The following CCDC25 variants were observed in gnomAD, a reference collection of about 807,000 sequenced individuals.
The protein encoded by CCDC25 is coiled-coil domain containing 25, also known as coiled-coil domain-containing protein 25.
In CCDC25, 16 loss-of-function variants were observed where a neutral mutation model predicts 35.3. That is an observed-to-expected ratio of 0.45 (90% CI 0.31 to 0.69). The LOEUF is 0.69. Ranked by LOEUF, CCDC25 falls within the 30% of genes least tolerant of loss-of-function variation. The pLI, the probability that CCDC25 is intolerant of heterozygous loss-of-function variation, is 0.06. For synonymous variants in CCDC25, 79 were observed against 80.3 expected, an observed-to-expected ratio of 0.98 and a Z score of 0.09; for missense variants, 179 against 250.7, an observed-to-expected ratio of 0.71 and a Z score of 1.93.
chr8:27,738,986 C>T (rs763049770), intron 8 of CCDC25, among the ~76,000 whole-genome samples: 15 of 152,122 alleles, frequency 9.9e-5, no homozygotes, highest in Non-Finnish European at 1.8e-4. Flanking sequence ...ACTTTCACAT[C>T]GATGTGTCTT....
Position 27,748,231 on chromosome 8 carries a change from A to G in CCDC25, c.397T>C (p.Leu133=). 6.2e-7 allele frequency: 1 copy of G among 1,613,832 alleles called. No homozygotes were observed. The highest frequency in any genetic ancestry group is 8.5e-7 in the Non-Finnish European group (1 of 1,179,938). Reference sequence around the variant, plus strand: ...AACCGCTCGACTTTGGTCTTTTCTAATCGGTTCAGGATCTCATTTACTTTC... The same window carrying G: ...AACCGCTCGACTTTGGTCTTTTCTAGTCGGTTCAGGATCTCATTTACTTTC... ...EKKVNEILNR[L]EKTKVERFPD... Residue 133 remains leucine, a synonymous_variant, in exon 7 of 9, where the codon TTA becomes CTA. Transcript: ENST00000356537.
chr8:27,752,150 T>C (rs1310405431), intron 5 of CCDC25, among the ~76,000 whole-genome samples: 1 of 152,182 alleles, frequency 6.6e-6, no homozygotes, highest in Non-Finnish European at 1.5e-5. Flanking sequence ...ACATTAAAAA[T>C]AAAGCCATAA....
At chr8:27,771,876 A>G (rs1171899747) in intron 1 of CCDC25, 1 of 152,220 alleles carries the variant, frequency 6.6e-6, no homozygotes, top group Non-Finnish European at 1.5e-5. Context: ...GAACGAAACC[A>G]AGTCGGGACA....
intron 8 of CCDC25, among the ~76,000 whole-genome samples, chr8:27,740,238 G>C (rs1177876482): frequency 6.6e-6 from 1 of 152,146 alleles, no homozygotes; most frequent in Non-Finnish European, 1.5e-5. Context: ...CGCCACAGTA[G>C]ACAAGCTCTG....
chr8:27,746,847 A>G (rs1177038561), intron 7 of CCDC25, among the ~76,000 whole-genome samples: 1 of 152,220 alleles, frequency 6.6e-6, no homozygotes, highest in Non-Finnish European at 1.5e-5. Context: ...TGCGAATAAT[A>G]AATAACAGTA....
Position 27,748,295 on chromosome 8 carries a change from G to T in CCDC25, c.349-16C>A. The stretch of plus-strand genomic sequence containing the variant: ...CAATTTTTACCTTTAAGGGAGATAG[G>T]AGAAAAGATATTGCATCTTTTTGTT... On this transcript the variant is annotated splice_polypyrimidine_tract_variant and intron_variant, in intron 6 of 8. Coordinates refer to ENST00000356537, the MANE Select transcript of CCDC25 (RefSeq NM_018246.3). The T allele has an allele frequency of 1.9e-6, 3 of 1,602,372 alleles. No homozygotes were observed. Among genetic ancestry groups the T allele is most frequent in the Non-Finnish European group, 2.6e-6 (3 of 1,173,668 alleles).
chr8:27,747,428 T>C (rs950599794), intron 7 of CCDC25, among the ~76,000 whole-genome samples: 1 of 152,164 alleles, frequency 6.6e-6, no homozygotes, highest in Non-Finnish European at 1.5e-5. Context: ...TTTAGCCCAG[T>C]GAGAATCTTG....
chr8:27,755,810 T>G (rs951126088), intron 4 of CCDC25, among the ~76,000 whole-genome samples: 4 of 152,148 alleles, frequency 2.6e-5, no homozygotes, highest in African/African-American at 9.7e-5. Flanking sequence ...AGCAATAGTC[T>G]ACAAAACACC....
intron 5 of CCDC25, among the ~76,000 whole-genome samples, chr8:27,749,224 C>CGTGG (rs1293828762): frequency 4.6e-5 from 7 of 152,186 alleles, no homozygotes; most frequent in Non-Finnish European, 1.0e-4. Flanking sequence ...CCTCCTGCCC[C>CGTGG]TTCACCGCCT....
intron 1 of CCDC25, among the ~76,000 whole-genome samples, chr8:27,767,361 C>CA (rs1195180142): frequency 6.6e-6 from 1 of 151,574 alleles, no homozygotes; most frequent in African/African-American, 2.4e-5. Flanking sequence ...AAGACTGTCT[C>CA]AAAAAAGAAA....
At chr8:27,755,498 A>T (rs1330871918) in intron 4 of CCDC25, among the ~76,000 whole-genome samples, 1 of 152,202 alleles carries the variant, frequency 6.6e-6, no homozygotes, top group Non-Finnish European at 1.5e-5. Flanking sequence ...ATGTATATAG[A>T]CACTCCCCTC....
intron 8 of CCDC25, 127 bp downstream of exon 8, chr8:27,740,345 G>A (rs1803392452): frequency 1.2e-6 from 1 of 824,234 alleles, no homozygotes; most frequent in South Asian, 1.6e-5. Flanking sequence ...CCTGAGTGGT[G>A]TCCTGGTTGC....
chr8:27,743,698 A>G (rs1803512581), intron 7 of CCDC25, among the ~76,000 whole-genome samples: 1 of 152,220 alleles, frequency 6.6e-6, no homozygotes, highest in Non-Finnish European at 1.5e-5. Flanking sequence ...GTTTGAGATT[A>G]GCCTGGGCAA....
At position 27,772,614 on chromosome 8, in the gene CCDC25, C is replaced by T. The variant is rs17478478; in HGVS notation, c.-74G>A. On this transcript the variant is annotated 5_prime_UTR_variant, in exon 1 of 9. Transcript: ENST00000356537. ...CTCACGAAGCTCAGGATACCAGACT[C>T]GCGGCGGCCGCCTGGCCCCCGGAAC... The T allele has an allele frequency of 2.0e-6, 3 of 1,468,610 alleles. No homozygotes were observed. Among genetic ancestry groups the T allele is most frequent in the Non-Finnish European group, 2.8e-6 (3 of 1,078,222 alleles). 91.0% of individuals were successfully genotyped at this position (1,468,610 alleles called of 1,614,324 possible).
At chr8:27,760,684 G>A (rs564374800) in intron 3 of CCDC25, among the ~76,000 whole-genome samples, 73 of 152,298 alleles carry the variant, frequency 4.8e-4, no homozygotes, top group African/African-American at 1.7e-3. Flanking sequence ...AGGAAGGCGG[G>A]CAGCCCCAGT....
At chr8:27,757,797 G>A (rs10101568) in intron 3 of CCDC25, among the ~76,000 whole-genome samples, 66,280 of 151,938 alleles carry the variant, frequency 0.44, 14,707 homozygotes, top group East Asian at 0.63. Flanking sequence ...GTAATCCCCA[G>A]CGTTAGAAGT....
intron 1 of CCDC25, among the ~76,000 whole-genome samples, chr8:27,769,490 T>A (rs930514259): frequency 6.6e-6 from 1 of 152,242 alleles, no homozygotes; most frequent in Non-Finnish European, 1.5e-5. Context: ...TATATGGATA[T>A]CTATGTTGTT....
At chr8:27,751,872 A>C (rs1407736014) in intron 5 of CCDC25, among the ~76,000 whole-genome samples, 1 of 152,192 alleles carries the variant, frequency 6.6e-6, no homozygotes, top group Non-Finnish European at 1.5e-5. Context: ...TAAAATACTT[A>C]GGCTAATTGT....
chr8:27,747,972 AT>A, intron 7 of CCDC25, 104 bp downstream of exon 7: 1 of 1,102,606 alleles, frequency 9.1e-7, no homozygotes, highest in Non-Finnish European at 1.3e-6. Flanking sequence ...AGCTTGTTAC[AT>A]GTCCCTCCTT....
Sources: allele counts gnomAD v4.1 joint callset (sites outside exome capture counted in the v4.1 genomes callset), GRCh38; gene constraint gnomAD v4.1.1; transcripts MANE v1.5; gene names NCBI Gene and HGNC (gene_info 2026-07-23, HGNC 2026-07-21).